KHDRBS3: variants seen among roughly 807,000 people sequenced by gnomAD.
KHDRBS3 encodes the protein KH RNA binding domain containing, signal transduction associated 3.
Under a neutral mutation model 45.6 loss-of-function variants are expected in KHDRBS3, and 23 were observed. The ratio of observed to expected loss-of-function variants is 0.50; its 90% CI spans 0.36 to 0.72. KHDRBS3 has a LOEUF of 0.72. Ranked by LOEUF, KHDRBS3 falls within the 30% of genes least tolerant of loss-of-function variation. The pLI, the probability that KHDRBS3 is intolerant of heterozygous loss-of-function variation, is 0.00. For missense variants in KHDRBS3, 352 were observed against 424.8 expected (o/e 0.83, Z 1.51); for synonymous variants, 162 against 156.5 (o/e 1.04, Z -0.26).
intron 7 of KHDRBS3, among the ~76,000 whole-genome samples, chr8:135,621,989 G>C (rs1830164081): frequency 6.6e-6 from 1 of 152,024 alleles, no homozygotes; most frequent in African/African-American, 2.4e-5. Flanking sequence ...GGAGCACCCG[G>C]AGCCTGGCTG....
intron 5 of KHDRBS3, among the ~76,000 whole-genome samples, chr8:135,571,825 G>C (rs1827717749): frequency 6.6e-6 from 1 of 152,074 alleles, no homozygotes; most frequent in South Asian, 2.1e-4. Flanking sequence ...TGGGGAGCTT[G>C]GGGTTACTTC....
At chr8:135,545,279 GAGT>G (rs1826237948) in intron 3 of KHDRBS3, among the ~76,000 whole-genome samples, 1 of 152,082 alleles carries the variant, frequency 6.6e-6, no homozygotes, top group African/African-American at 2.4e-5. Context: ...TAAGGAGGAG[GAGT>G]AGTGAAGCAT....
At chr8:135,578,417 G>C (rs1472560452) in intron 5 of KHDRBS3, among the ~76,000 whole-genome samples, 1 of 150,702 alleles carries the variant, frequency 6.6e-6, no homozygotes, top group Non-Finnish European at 1.5e-5. Flanking sequence ...CTGTGTCTAG[G>C]TGTCTACTTT....
At chr8:135,490,154 C>T (rs1563717191) in intron 1 of KHDRBS3, among the ~76,000 whole-genome samples, 1 of 152,122 alleles carries the variant, frequency 6.6e-6, no homozygotes, top group African/African-American at 2.4e-5. Flanking sequence ...TGTAAGTGCA[C>T]TCCATGATGT....
chr8:135,567,351 A>G (rs1586733075), intron 5 of KHDRBS3, among the ~76,000 whole-genome samples: 1 of 152,118 alleles, frequency 6.6e-6, no homozygotes, highest in East Asian at 1.9e-4. Flanking sequence ...GAGAGATTCC[A>G]TCAGACATTT....
intron 1 of KHDRBS3, among the ~76,000 whole-genome samples, chr8:135,494,259 CTTCTGTTTCTCTTATTTTTTTTTTT>C (rs897376739): frequency 2.7e-5 from 4 of 145,834 alleles, no homozygotes; most frequent in African/African-American, 1.0e-4. Flanking sequence ...ATTTTTTCCT[CTTCTGTTTCTCTTATTTTTTTTTTT>C]TTTTTTTTTT....
intron 6 of KHDRBS3, among the ~76,000 whole-genome samples, chr8:135,606,488 C>T (rs1829468027): frequency 6.6e-6 from 1 of 152,084 alleles, no homozygotes; most frequent in South Asian, 2.1e-4. Flanking sequence ...GAAGACAGTT[C>T]TCTAGGAATG....
Position 135,591,706 on chromosome 8 carries a change from A to C in KHDRBS3, c.807+9633A>C, listed in dbSNP as rs76230200. On this transcript the variant is annotated intron_variant, in intron 6 of 8. Transcript: ENST00000355849. Reference sequence around the variant, plus strand: ...GGAAACGAAATGTATTTTTTAGTATACATGTTGTTATTTAATGTGGATTTT... The same window carrying C: ...GGAAACGAAATGTATTTTTTAGTATCCATGTTGTTATTTAATGTGGATTTT... 4.2e-3 allele frequency among the ~76,000 whole-genome samples: 647 copies of C among 152,336 alleles called. 12 individuals are homozygous for C. The highest frequency in any genetic ancestry group is 0.014 in the African/African-American group (589 of 41,572).
chr8:135,620,746 C>T (rs1437664182), intron 7 of KHDRBS3, among the ~76,000 whole-genome samples: 1 of 152,132 alleles, frequency 6.6e-6, no homozygotes, highest in East Asian at 1.9e-4. Flanking sequence ...TCCAACAACC[C>T]TCGGTGATTC....
intron 1 of KHDRBS3, among the ~76,000 whole-genome samples, chr8:135,467,463 C>T (rs531486845): frequency 6.6e-6 from 1 of 152,370 alleles, no homozygotes; most frequent in African/African-American, 2.4e-5. Context: ...GTCAAGATCA[C>T]ACATTTCGTG....
intron 3 of KHDRBS3, among the ~76,000 whole-genome samples, chr8:135,547,161 A>T (rs927813370): frequency 5.9e-5 from 9 of 152,198 alleles, no homozygotes; most frequent in African/African-American, 2.2e-4. Flanking sequence ...GAGTTGGCGT[A>T]AGATAATGTT....
chr8:135,614,993 G>C (rs1011396161), intron 7 of KHDRBS3, among the ~76,000 whole-genome samples: 1 of 151,656 alleles, frequency 6.6e-6, no homozygotes, highest in African/African-American at 2.4e-5. Flanking sequence ...GTGGTAGGGG[G>C]GATTTTGGCT....
At chr8:135,546,205 A>G (rs1311328793) in intron 3 of KHDRBS3, among the ~76,000 whole-genome samples, 1 of 152,078 alleles carries the variant, frequency 6.6e-6, no homozygotes, top group Non-Finnish European at 1.5e-5. Flanking sequence ...TTATAATCAG[A>G]TAGTCACTGC....
downstream of KHDRBS3, among the ~76,000 whole-genome samples, chr8:135,650,240 A>G (rs1259020864): frequency 6.6e-6 from 1 of 152,150 alleles, no homozygotes; most frequent in Non-Finnish European, 1.5e-5. Context: ...GCCCCATGAC[A>G]CACAACTTTG....
chr8:135,623,642 A>G (rs1014545509), intron 7 of KHDRBS3, among the ~76,000 whole-genome samples: 1 of 152,122 alleles, frequency 6.6e-6, no homozygotes, highest in Non-Finnish European at 1.5e-5. Flanking sequence ...CCCTGTCAAG[A>G]AAGACCAGGT....
intron 6 of KHDRBS3, among the ~76,000 whole-genome samples, chr8:135,595,830 G>A (rs1464794081): frequency 2.0e-5 from 3 of 152,292 alleles, no homozygotes; most frequent in East Asian, 1.9e-4. Flanking sequence ...CACAGTGGTC[G>A]ACAGGCAGAT....
At position 135,486,261 on chromosome 8, in the gene KHDRBS3, AG is replaced by A. The variant is rs370845815; in HGVS notation, c.88+28310del. On this transcript the variant is annotated intron_variant, in intron 1 of 8. Transcript: ENST00000355849. ...TCTAGAATGGAAGCTCTATGAAGGAAGGGTTTTTGTATTACTCACTTTTGAT... is the reference window on the plus strand; with the variant it reads ...TCTAGAATGGAAGCTCTATGAAGGAAGGTTTTTGTATTACTCACTTTTGAT... 5.6e-4 allele frequency among the ~76,000 whole-genome samples: 86 copies of A among 152,316 alleles called. No homozygotes were observed. The East Asian group carries it at 0.015, about 27-fold the overall frequency.
chr8:135,626,672 C>A (rs1237662956), intron 7 of KHDRBS3, among the ~76,000 whole-genome samples: 1 of 151,908 alleles, frequency 6.6e-6, no homozygotes, highest in Admixed American at 6.6e-5. Flanking sequence ...GGCGTGTTGG[C>A]GGGCGCCTGT....
chr8:135,518,267 G>A (rs977044367), intron 1 of KHDRBS3, among the ~76,000 whole-genome samples: 13 of 152,120 alleles, frequency 8.5e-5, no homozygotes, highest in Admixed American at 6.5e-4. Flanking sequence ...TCCGCCTCCC[G>A]TGTTCATGCC....
Sources: gnomAD v4.1 joint callset for allele counts (sites outside exome capture counted in the v4.1 genomes callset) on GRCh38, gnomAD v4.1.1 for gene constraint, MANE v1.5 for transcripts, NCBI Gene and HGNC (gene_info 2026-07-23, HGNC 2026-07-21) for gene names.